KLHL32: variants seen among roughly 807,000 people sequenced by gnomAD.
KLHL32 encodes the protein kelch like family member 32.
Under a neutral mutation model 64.8 loss-of-function variants are expected in KLHL32, and 35 were observed. That is an observed-to-expected ratio of 0.54 (90% CI 0.41 to 0.72). KLHL32 has a LOEUF of 0.72. Ranked by LOEUF, KLHL32 falls within the 30% of genes least tolerant of loss-of-function variation. The pLI, the probability that KLHL32 is intolerant of heterozygous loss-of-function variation, is 0.00. For synonymous variants in KLHL32, 259 were observed against 281.0 expected (o/e 0.92, Z 0.78); for missense variants, 589 against 768.5 (o/e 0.77, Z 2.76).
chr6:97,063,485 T>A (rs1046988047), intron 4 of KLHL32, among the ~76,000 whole-genome samples: 1 of 152,162 alleles, frequency 6.6e-6, no homozygotes. Context: ...AAGGTACTGA[T>A]ACAGATGTAG....
intron 3 of KLHL32, among the ~76,000 whole-genome samples, chr6:96,997,560 C>A (rs1229642515): frequency 6.6e-6 from 1 of 151,852 alleles, no homozygotes; most frequent in Non-Finnish European, 1.5e-5. Flanking sequence ...CCAGCTTGGA[C>A]AGCATAGTGA....
At chr6:97,090,962 G>A (rs1166972967) in intron 6 of KLHL32, among the ~76,000 whole-genome samples, 3 of 152,344 alleles carry the variant, frequency 2.0e-5, no homozygotes, top group South Asian at 2.1e-4. Context: ...AGTGGCTTAC[G>A]CCTGTAATCC....
intron 3 of KLHL32, among the ~76,000 whole-genome samples, chr6:97,032,285 C>T (rs1783672295): frequency 1.3e-5 from 2 of 152,180 alleles, no homozygotes; most frequent in Non-Finnish European, 1.5e-5. Context: ...CCTCTACAAT[C>T]GTACTCTATA....
chr6:96,911,060 A>C, the KLHL32 span, among the ~76,000 whole-genome samples: 6 of 152,138 alleles, frequency 3.9e-5, no homozygotes, highest in African/African-American at 1.4e-4. Flanking sequence ...TAATGCTTTG[A>C]TATTCTGAAT....
chr6:96,969,836 T>C (rs557507297), intron 2 of KLHL32, among the ~76,000 whole-genome samples: 1 of 152,246 alleles, frequency 6.6e-6, no homozygotes, highest in African/African-American at 2.4e-5. Context: ...CCTTTCTGAG[T>C]TCCAGATCCA....
intron 6 of KLHL32, among the ~76,000 whole-genome samples, chr6:97,108,460 TC>T (rs1796698407): frequency 1.3e-5 from 2 of 152,324 alleles, no homozygotes; most frequent in South Asian, 4.1e-4. Context: ...ACTGTAGTAG[TC>T]TTTAAGCTCC....
At chr6:97,052,852 A>G (rs1562283220) in intron 4 of KLHL32, among the ~76,000 whole-genome samples, 1 of 152,236 alleles carries the variant, frequency 6.6e-6, no homozygotes, top group Non-Finnish European at 1.5e-5. Flanking sequence ...GCAATGTTCT[A>G]TAATATAAAC....
chr6:97,100,966 C>CTTTTTTTG (rs1795641858), intron 6 of KLHL32, among the ~76,000 whole-genome samples: 1 of 69,472 alleles, frequency 1.4e-5, no homozygotes, highest in Non-Finnish European at 2.5e-5. Context: ...TGCAGCCAAG[C>CTTTTTTTG]TTTTTTTTTT....
intron 5 of KLHL32, among the ~76,000 whole-genome samples, chr6:97,084,609 G>C (rs1015829888): frequency 1.3e-5 from 2 of 152,130 alleles, no homozygotes; most frequent in Non-Finnish European, 2.9e-5. Context: ...ATAAAACTCT[G>C]GATTTTAGTT....
chr6:96,955,051 G>A (rs972912529), intron 1 of KLHL32, among the ~76,000 whole-genome samples: 3 of 152,172 alleles, frequency 2.0e-5, no homozygotes, highest in Non-Finnish European at 4.4e-5. Flanking sequence ...GTGGAGAAAC[G>A]AGAGAGGAAG....
intron 1 of KLHL32, among the ~76,000 whole-genome samples, chr6:96,956,817 C>G (rs1773333949): frequency 6.6e-6 from 1 of 152,218 alleles, no homozygotes; most frequent in Non-Finnish European, 1.5e-5. Context: ...TATGTAGGCA[C>G]TTGAACAACA....
intron 10 of KLHL32, among the ~76,000 whole-genome samples, chr6:97,136,998 G>A (rs888899488): frequency 1.3e-5 from 2 of 152,160 alleles, no homozygotes; most frequent in African/African-American, 4.8e-5. Context: ...CCCTGAGAAA[G>A]TCACTTAATT....
In KLHL32 at chr6:97,085,291, G is replaced by A. The variant is rs1305405117; in HGVS notation, c.577G>A (p.Val193Met). 9 of 1,613,362 alleles carry A rather than the reference G, an allele frequency of 5.6e-6. No homozygotes were observed. The highest frequency in any genetic ancestry group is 6.8e-6 in the Non-Finnish European group (8 of 1,180,024). ...LTLPYCLLQE[V>M]LKSDRLTSLS... ...GCTTCCCTATTGCCTGCTTCAGGAG[G>A]TGCTGAAGAGCGACCGCCTGACCTC... The change falls in exon 6 of 11, where the codon GTG becomes ATG. Residue 193 changes from valine to methionine, a missense_variant. Val to Met is a conservative substitution (Grantham distance 21, BLOSUM62 1). Coordinates refer to ENST00000369261, the MANE Select transcript of KLHL32 (RefSeq NM_052904.4).
At chr6:96,924,207 C>A (rs1456007118), upstream of KLHL32, among the ~76,000 whole-genome samples, 2 of 152,200 alleles carry the variant, frequency 1.3e-5, no homozygotes, top group Non-Finnish European at 2.9e-5. Context: ...ACTTGAACTT[C>A]ACAAGTTAGC....
intron 6 of KLHL32, among the ~76,000 whole-genome samples, chr6:97,107,291 C>CAA (rs1056501039): frequency 0.034 from 4,682 of 136,682 alleles, 246 homozygotes; most frequent in African/African-American, 0.12. Flanking sequence ...GACTCCATCT[C>CAA]AAAAAAAAAA....
At chr6:96,937,509 G>A (rs763061118) in intron 1 of KLHL32, among the ~76,000 whole-genome samples, 28 of 152,138 alleles carry the variant, frequency 1.8e-4, no homozygotes, top group Non-Finnish European at 3.1e-4. Flanking sequence ...TGTCTGTCGG[G>A]CAACAATCCT....
intron 6 of KLHL32, among the ~76,000 whole-genome samples, chr6:97,096,070 CTGT>C (rs1159485842): frequency 3.9e-5 from 6 of 152,030 alleles, no homozygotes; most frequent in Admixed American, 3.3e-4. Flanking sequence ...AAATTCAAGA[CTGT>C]TATTTTATAG....
intron 4 of KLHL32, among the ~76,000 whole-genome samples, chr6:97,056,106 CTTTTTTTTT>C (rs1171932769): frequency 7.1e-4 from 60 of 85,082 alleles, no homozygotes; most frequent in Non-Finnish European, 8.9e-4. Context: ...CTTTTTTTTT[CTTTTTTTTT>C]TTTTTTTTGA....
At chr6:97,021,248 T>C (rs1048515235) in intron 3 of KLHL32, among the ~76,000 whole-genome samples, 2 of 150,694 alleles carry the variant, frequency 1.3e-5, no homozygotes, top group Non-Finnish European at 2.9e-5. Flanking sequence ...GTCACTGATG[T>C]TTGCTGTATG....
Sources: gnomAD v4.1 joint callset for allele counts (sites outside exome capture counted in the v4.1 genomes callset) on GRCh38, gnomAD v4.1.1 for gene constraint, MANE v1.5 for transcripts, NCBI Gene and HGNC (gene_info 2026-07-23, HGNC 2026-07-21) for gene names.